The following ZPBP variants were observed in gnomAD, a reference collection of about 807,000 sequenced individuals.
ZPBP encodes the protein zona pellucida binding protein, also known as zona pellucida-binding protein 1.
Under a neutral mutation model 44.8 loss-of-function variants are expected in ZPBP, and 26 were observed. The observed-to-expected ratio is 0.58, with a 90% CI of 0.43 to 0.81. The LOEUF (loss-of-function observed/expected upper bound fraction) is 0.81, where lower values mean the gene tolerates loss of function less well. Among genes scored for constraint, ZPBP ranks in the 30% least tolerant of loss-of-function variants. ZPBP has a pLI of 0.00. For missense variants in ZPBP, 409 were observed against 434.0 expected, an observed-to-expected ratio of 0.94 and a Z score of 0.51; for synonymous variants, 174 against 153.2, an observed-to-expected ratio of 1.14 and a Z score of -1.00.
At chr7:49,886,877 T>C (rs184127916) in intron 2 of ZPBP, among the ~76,000 whole-genome samples, 1 of 152,350 alleles carries the variant, frequency 6.6e-6, no homozygotes, top group African/African-American at 2.4e-5. Context: ...GTTTCAATTG[T>C]TGGACCTCGT....
intron 3 of ZPBP, among the ~76,000 whole-genome samples, chr7:50,061,731 C>T (rs1395676070): frequency 2.0e-5 from 3 of 152,180 alleles, no homozygotes; most frequent in African/African-American, 2.4e-5. Flanking sequence ...AATGAAATCA[C>T]TTCTCTTCTA....
At chr7:50,049,628 T>C (rs1033954956) in intron 4 of ZPBP, among the ~76,000 whole-genome samples, 7 of 151,996 alleles carry the variant, frequency 4.6e-5, no homozygotes, top group African/African-American at 1.7e-4. Flanking sequence ...ATAAAAACAA[T>C]CCTCAAATAT....
intron 4 of ZPBP, among the ~76,000 whole-genome samples, chr7:50,032,483 T>C (rs1047523718): frequency 6.6e-6 from 1 of 152,118 alleles, no homozygotes; most frequent in Non-Finnish European, 1.5e-5. Context: ...CCCCAAATTC[T>C]CTGAAACACT....
intron 2 of ZPBP, among the ~76,000 whole-genome samples, chr7:49,859,798 A>G (rs138765793): frequency 0.15 from 18,856 of 122,642 alleles, 1,370 homozygotes; most frequent in African/African-American, 0.27. Flanking sequence ...GTGCACACAC[A>G]CACACACACA....
At chr7:50,006,896 G>A (rs1389259053) in intron 6 of ZPBP, among the ~76,000 whole-genome samples, 2 of 151,898 alleles carry the variant, frequency 1.3e-5, no homozygotes, top group Non-Finnish European at 2.9e-5. Context: ...AAAAATAAGA[G>A]AATATTATAA....
At chr7:49,858,955 T>C (rs1790539121) in intron 2 of ZPBP, among the ~76,000 whole-genome samples, 1 of 152,196 alleles carries the variant, frequency 6.6e-6, no homozygotes, top group African/African-American at 2.4e-5. Context: ...CCCCACAGAG[T>C]TTATCAGAAT....
At chr7:49,847,757 G>A (rs1305446641), downstream of ZPBP, among the ~76,000 whole-genome samples, 2 of 152,170 alleles carry the variant, frequency 1.3e-5, no homozygotes, top group East Asian at 3.9e-4. Flanking sequence ...TCAGCAGACT[G>A]TGAGCACAGG....
At chr7:50,032,920 A>G (rs1799665853) in intron 4 of ZPBP, among the ~76,000 whole-genome samples, 1 of 152,222 alleles carries the variant, frequency 6.6e-6, no homozygotes, top group Non-Finnish European at 1.5e-5. Flanking sequence ...AGATAATACA[A>G]TTAGACTGGG....
intron 1 of ZPBP, among the ~76,000 whole-genome samples, chr7:49,904,736 A>AAT (rs1554343419): frequency 1.4e-5 from 2 of 139,010 alleles, no homozygotes; most frequent in African/African-American, 5.3e-5. Context: ...GCATATATTA[A>AAT]TTTTTTTTTT....
intron 7 of ZPBP, among the ~76,000 whole-genome samples, chr7:49,980,192 T>C (rs1197750787): frequency 8.4e-6 from 1 of 119,396 alleles, no homozygotes; most frequent in Non-Finnish European, 1.6e-5. Flanking sequence ...AATTAAATTG[T>C]ATTATGTTAT....
intron 1 of ZPBP, among the ~76,000 whole-genome samples, chr7:49,911,245 A>G (rs970985731): frequency 2.6e-5 from 4 of 152,088 alleles, no homozygotes; most frequent in African/African-American, 9.7e-5. Context: ...GCACTTTGGG[A>G]GGCCAAGGCG....
chr7:49,953,296 C>T (rs1189842372), intron 7 of ZPBP, among the ~76,000 whole-genome samples: 1 of 151,982 alleles, frequency 6.6e-6, no homozygotes, highest in Non-Finnish European at 1.5e-5. Context: ...AAATATTTTA[C>T]ACAACAGCAA....
chr7:50,040,989 T>C (rs1181323365), intron 4 of ZPBP, among the ~76,000 whole-genome samples: 2 of 152,122 alleles, frequency 1.3e-5, no homozygotes, highest in Non-Finnish European at 2.9e-5. Context: ...CATCTGCCAT[T>C]ACTGAGGCTT....
At chr7:49,996,239 A>G (rs1159916020) in intron 6 of ZPBP, among the ~76,000 whole-genome samples, 1 of 152,168 alleles carries the variant, frequency 6.6e-6, no homozygotes, top group East Asian at 1.9e-4. Flanking sequence ...ACGGGTCACA[A>G]AACTTTGCAG....
chr7:49,986,837 C>G (rs1562825593), intron 6 of ZPBP, among the ~76,000 whole-genome samples: 1 of 152,048 alleles, frequency 6.6e-6, no homozygotes, highest in African/African-American at 2.4e-5. Flanking sequence ...ACGGTTCTGT[C>G]AAAAAGAGGG....
intron 1 of ZPBP, among the ~76,000 whole-genome samples, chr7:49,908,552 A>T (rs968055046): frequency 2.0e-5 from 3 of 152,152 alleles, no homozygotes; most frequent in Admixed American, 6.5e-5. Flanking sequence ...TATAATTTTT[A>T]AAAATGTATG....
At chr7:49,937,762 T>C (rs1446859769) in intron 7 of ZPBP, 140 bp from the exon 8 acceptor site, 2 of 699,190 alleles carry the variant, frequency 2.9e-6, no homozygotes, top group Non-Finnish European at 4.8e-6. Context: ...GCAGAACTTT[T>C]TCATCTTGCA....
At chr7:50,047,375 G>A (rs758807535) in intron 4 of ZPBP, among the ~76,000 whole-genome samples, 2 of 151,994 alleles carry the variant, frequency 1.3e-5, no homozygotes, top group Non-Finnish European at 2.9e-5. Flanking sequence ...ATACACTAAT[G>A]CTAATGATAT....
intron 6 of ZPBP, among the ~76,000 whole-genome samples, chr7:49,983,819 T>C (rs2128782403): frequency 6.6e-6 from 1 of 152,176 alleles, no homozygotes; most frequent in African/African-American, 2.4e-5. Flanking sequence ...AAGAAAGCTC[T>C]TTGAAATTGA....
Sources: allele counts gnomAD v4.1 joint callset (sites outside exome capture counted in the v4.1 genomes callset), GRCh38; gene constraint gnomAD v4.1.1; transcripts MANE v1.5; gene names NCBI Gene and HGNC (gene_info 2026-07-23, HGNC 2026-07-21).